Variants in TCF4 observed in about 807,000 individuals in gnomAD.
TCF4 encodes the protein transcription factor 4, also known as SL3-3 enhancer factor 2.
In TCF4, 3 loss-of-function variants were observed where a neutral mutation model predicts 82.1. That is an observed-to-expected ratio of 0.04 (90% CI 0.02 to 0.09). TCF4 has a LOEUF of 0.09. Among genes scored for constraint, TCF4 ranks in the 10% least tolerant of loss-of-function variants. The pLI is 1.00. For missense variants in TCF4, 518 were observed against 852.7 expected (o/e 0.61, Z 4.89); for synonymous variants, 276 against 309.6 (o/e 0.89, Z 1.14).
intron 6 of TCF4, among the ~76,000 whole-genome samples, chr18:55,370,127 A>G (rs2088554608): frequency 6.6e-6 from 1 of 152,218 alleles, no homozygotes; most frequent in Non-Finnish European, 1.5e-5. Flanking sequence ...GCCGGGCGCA[A>G]TGGCTCATGC....
At chr18:55,237,337 AGTT>A (rs2049776001) in intron 15 of TCF4, among the ~76,000 whole-genome samples, 1 of 152,160 alleles carries the variant, frequency 6.6e-6, no homozygotes, top group Admixed American at 6.5e-5. Flanking sequence ...CTGAGGATAT[AGTT>A]GTTCCAACTA....
intron 2 of TCF4, among the ~76,000 whole-genome samples, chr18:55,595,844 G>A (rs1249240957): frequency 6.6e-6 from 1 of 152,116 alleles, no homozygotes; most frequent in Non-Finnish European, 1.5e-5. Flanking sequence ...GGCCAGAATA[G>A]AGATCCAGAG....
At chr18:55,502,666 C>T (rs191471024) in intron 3 of TCF4, among the ~76,000 whole-genome samples, 42 of 152,178 alleles carry the variant, frequency 2.8e-4, no homozygotes, top group Non-Finnish European at 4.9e-4. Context: ...AAACTGCAAC[C>T]GATGTCAATA....
intron 8 of TCF4, among the ~76,000 whole-genome samples, chr18:55,293,531 G>A (rs2065626467): frequency 6.6e-6 from 1 of 152,090 alleles, no homozygotes; most frequent in African/African-American, 2.4e-5. Flanking sequence ...TACAGAGCAG[G>A]AGACATCTTT....
chr18:55,238,228 G>A (rs982937170), intron 15 of TCF4, among the ~76,000 whole-genome samples: 2 of 152,190 alleles, frequency 1.3e-5, no homozygotes, highest in Non-Finnish European at 2.9e-5. Flanking sequence ...ATAGTCTAAA[G>A]TTAAAAGCCA....
intron 6 of TCF4, among the ~76,000 whole-genome samples, chr18:55,365,853 T>C (rs1001973516): frequency 6.6e-6 from 1 of 152,018 alleles, no homozygotes; most frequent in Admixed American, 6.6e-5. Flanking sequence ...GATAGTGCCA[T>C]TGCACTCCAG....
In TCF4 at chr18:55,634,284, CAAAAACAAAAAA is replaced by C. The variant is rs767412700; in HGVS notation, c.195+1407_195+1418del. Among the ~76,000 whole-genome samples the C allele has an allele frequency of 2.2e-4, 33 of 150,930 alleles. No homozygotes were observed. In the East Asian group the frequency reaches 3.5e-3, roughly 16 times the overall value. On this transcript the variant is annotated intron_variant, in intron 1 of 20. Transcript: ENST00000398339. ...GACTCCGTCTCAAAAAAAACAAAAACAAAAACAAAAAAAAAAACTAGAATTTATATGAAACAG... is the reference window on the plus strand; with the variant it reads ...GACTCCGTCTCAAAAAAAACAAAAACAAAAACTAGAATTTATATGAAACAG...
chr18:55,254,062 A>G (rs1311347423), intron 15 of TCF4, among the ~76,000 whole-genome samples: 1 of 152,258 alleles, frequency 6.6e-6, no homozygotes. Context: ...ATAAAGCTCT[A>G]ATACGTGGCA....
chr18:55,300,099 T>TACACACAC (rs372975426), intron 8 of TCF4, among the ~76,000 whole-genome samples: 6 of 148,014 alleles, frequency 4.1e-5, no homozygotes, highest in Non-Finnish European at 6.0e-5. Flanking sequence ...CATACAGATA[T>TACACACAC]ACACACACAC....
chr18:55,352,030 T>A (rs2082422184), intron 6 of TCF4: 1 of 510,624 alleles, frequency 2.0e-6, no homozygotes, highest in Non-Finnish European at 2.5e-6. Flanking sequence ...GTGTTTTCCC[T>A]AATCTAAATT....
chr18:55,589,564 G>A (rs2097679582), upstream of TCF4: 1 of 1,033,680 alleles, frequency 9.7e-7, no homozygotes, highest in Non-Finnish European at 1.2e-6. Flanking sequence ...TTTTCTTATT[G>A]TTTATAAAAA....
intron 2 of TCF4, chr18:55,586,839 TCA>T (rs2097654148): frequency 6.2e-6 from 3 of 482,910 alleles, no homozygotes; most frequent in African/African-American, 5.0e-5. Flanking sequence ...GTAATAAAAC[TCA>T]AAAAAAAAAA....
chr18:55,239,428 C>G (rs145736243), intron 15 of TCF4, among the ~76,000 whole-genome samples: 1 of 151,980 alleles, frequency 6.6e-6, no homozygotes, highest in African/African-American at 2.4e-5. Context: ...CAACACTGAA[C>G]AATTATATAG....
Position 55,226,185 on chromosome 18 carries a change from C to G in TCF4, c.*1850G>C, listed in dbSNP as rs975249291. The G allele has an allele frequency of 6.6e-6, 1 of 152,412 alleles. No individual in the cohort carries two copies. The highest frequency in any genetic ancestry group is 1.5e-5 in the Non-Finnish European group (1 of 67,972). 9.4% of individuals were successfully genotyped at this position (152,412 alleles called of 1,614,324 possible). A position where few individuals can be genotyped will look rare whatever the true frequency, so the allele number is the denominator to read the frequency against. On this transcript the variant is annotated 3_prime_UTR_variant, in exon 20 of 20. Coordinates refer to ENST00000354452, the MANE Select transcript of TCF4 (RefSeq NM_001083962.2). Reference sequence around the variant, plus strand: ...TTTCATTACTATATAACTGGCAAAACAGGAGAACAGATGGAACATTTAGAC... The same window carrying G: ...TTTCATTACTATATAACTGGCAAAAGAGGAGAACAGATGGAACATTTAGAC...
chr18:55,628,475 T>C (rs2097728693), intron 2 of TCF4, among the ~76,000 whole-genome samples: 1 of 152,226 alleles, frequency 6.6e-6, no homozygotes, highest in South Asian at 2.1e-4. Flanking sequence ...ATCTTTTTAA[T>C]AATCTTTTTT....
chr18:55,456,160 CACAAT>C (rs2144602872), intron 5 of TCF4, among the ~76,000 whole-genome samples: 1 of 152,330 alleles, frequency 6.6e-6, no homozygotes, highest in African/African-American at 2.4e-5. Flanking sequence ...TAGCAGCTGT[CACAAT>C]ATGACCACAG....
intron 8 of TCF4, among the ~76,000 whole-genome samples, chr18:55,317,887 C>A (rs563163084): frequency 7.9e-5 from 12 of 152,164 alleles, no homozygotes; most frequent in African/African-American, 2.9e-4. Flanking sequence ...TGAAAAGCTG[C>A]ATAATATGAC....
intron 5 of TCF4, among the ~76,000 whole-genome samples, chr18:55,455,179 C>CAAAAAA (rs35889370): frequency 1.8e-3 from 123 of 67,326 alleles, no homozygotes; most frequent in African/African-American, 3.6e-3. Flanking sequence ...GACTCTGTCT[C>CAAAAAA]AAAAAAAAAA....
At chr18:55,506,852 C>CTTTCTTTTTTT (rs1336276026) in intron 3 of TCF4, among the ~76,000 whole-genome samples, 1 of 150,900 alleles carries the variant, frequency 6.6e-6, no homozygotes, top group Non-Finnish European at 1.5e-5. Flanking sequence ...AGCATATGAT[C>CTTTCTTTTTTT]TTTCTTTTTT....
Sources: gnomAD v4.1 joint callset for allele counts (sites outside exome capture counted in the v4.1 genomes callset) on GRCh38, gnomAD v4.1.1 for gene constraint, MANE v1.5 for transcripts, NCBI Gene and HGNC (gene_info 2026-07-23, HGNC 2026-07-21) for gene names.